The following MYCBP2 variants were observed in gnomAD, a reference collection of about 807,000 sequenced individuals.
MYCBP2 encodes the protein E3 ubiquitin-protein ligase MYCBP2.
MYCBP2 carries 120 observed loss-of-function variants against 525.3 expected under a neutral mutation model. The observed-to-expected ratio is 0.23, with a 90% CI of 0.20 to 0.27. The LOEUF (loss-of-function observed/expected upper bound fraction) is 0.27, where lower values mean the gene tolerates loss of function less well. Among genes scored for constraint, MYCBP2 ranks in the 10% least tolerant of loss-of-function variants. The probability of loss-of-function intolerance (pLI) is 1.00; values close to 1 mark genes in which losing one functional copy is unlikely to be tolerated. For synonymous variants in MYCBP2, 1,894 were observed against 1,955.8 expected (o/e 0.97, Z 0.83); for missense variants, 4,149 against 5,657.1 (o/e 0.73, Z 8.55).
At chr13:77,190,545 T>C (rs1167185180) in intron 28 of MYCBP2, among the ~76,000 whole-genome samples, 1 of 152,220 alleles carries the variant, frequency 6.6e-6, no homozygotes, top group Non-Finnish European at 1.5e-5. Context: ...GACTCCTAAA[T>C]GAGTAGCTGT....
chr13:77,222,826 C>T (rs1282317637), intron 20 of MYCBP2, among the ~76,000 whole-genome samples: 2 of 152,178 alleles, frequency 1.3e-5, no homozygotes, highest in Non-Finnish European at 2.9e-5. Context: ...GTTCAAGACA[C>T]AGTGACAACC....
At chr13:77,051,725 A>T (rs2036862295) in intron 81 of MYCBP2, 86 bp downstream of exon 81, 1 of 979,764 alleles carries the variant, frequency 1.0e-6, no homozygotes, top group Non-Finnish European at 1.5e-6. Flanking sequence ...GAAAAGCCTG[A>T]TTTACATTCC....
intron 77 of MYCBP2, among the ~76,000 whole-genome samples, chr13:77,059,058 A>G (rs851508): frequency 0.099 from 14,914 of 150,716 alleles, 982 homozygotes; most frequent in African/African-American, 0.18. Flanking sequence ...ACCAAAATGC[A>G]GATTTTTTTT....
intron 20 of MYCBP2, 92 bp downstream of exon 20, chr13:77,224,359 T>G (rs1056690206): frequency 1.3e-6 from 1 of 788,444 alleles, no homozygotes. Context: ...TCTAGAAATA[T>G]ATACTTAAAA....
At chr13:77,212,390 T>A (rs549485730) in intron 21 of MYCBP2, among the ~76,000 whole-genome samples, 10 of 152,146 alleles carry the variant, frequency 6.6e-5, no homozygotes, top group East Asian at 5.8e-4. Flanking sequence ...CATTATTTTT[T>A]AAAAAAAAGT....
chr13:77,188,916 A>G (rs1324857895), intron 30 of MYCBP2, 35 bp downstream of exon 30: 1 of 1,480,616 alleles, frequency 6.8e-7, no homozygotes, highest in Non-Finnish European at 9.2e-7. Context: ...TGAGGACTGA[A>G]GAGAAAAGCT....
chr13:77,150,748 T>C lies in MYCBP2; in HGVS notation c.7117A>G (p.Ile2373Val), dbSNP rs1485257122. The C allele has an allele frequency of 4.3e-6, 7 of 1,613,336 alleles. No individual in the cohort carries two copies. The highest frequency in any genetic ancestry group is 5.9e-6 in the Non-Finnish European group (7 of 1,179,750). ...MIVKEARYIA[I>V]TMMKVYENYS... The stretch of plus-strand genomic sequence containing the variant: ...AAATAAATTACCTTCATCATTGTTA[T>C]GGCAATATATCGAGCTTCCTTCACT... The change falls in exon 47 of 83, where the codon ATA (isoleucine) becomes GTA (valine). Residue 2373 changes from isoleucine (I) to valine (V), a missense_variant. This residue lies in a region of MYCBP2 where 692 missense variants were observed against 852.7 expected (regional missense o/e 0.81). Coordinates refer to ENST00000544440, the MANE Select transcript of MYCBP2 (RefSeq NM_015057.5).
chr13:77,183,930 C>A (rs552381178), intron 32 of MYCBP2, among the ~76,000 whole-genome samples: 13 of 152,016 alleles, frequency 8.6e-5, no homozygotes, highest in African/African-American at 3.1e-4. Context: ...AGGAGTTTAC[C>A]AACTTTTTTT....
chr13:77,139,988 C>T (rs2054358684), intron 51 of MYCBP2, 59 bp downstream of exon 51: 1 of 1,161,218 alleles, frequency 8.6e-7, no homozygotes, highest in East Asian at 2.4e-5. Context: ...TATTATTATG[C>T]AAACAATGCA....
intron 6 of MYCBP2, 80 bp downstream of exon 6, chr13:77,270,216 A>G (rs1330515378): frequency 6.7e-7 from 1 of 1,485,844 alleles, no homozygotes; most frequent in Admixed American, 2.2e-5. Context: ...TATTCTAGAA[A>G]TGAAACTAGA....
chr13:77,170,079 C>T (rs1235876622), intron 38 of MYCBP2, among the ~76,000 whole-genome samples: 1 of 152,144 alleles, frequency 6.6e-6, no homozygotes, highest in Non-Finnish European at 1.5e-5. Context: ...ATTCTGGCAC[C>T]AAACATGGCT....
intron 5 of MYCBP2, among the ~76,000 whole-genome samples, chr13:77,271,037 ATTTG>A: frequency 6.6e-6 from 1 of 151,656 alleles, no homozygotes; most frequent in Middle Eastern, 3.4e-3. Flanking sequence ...TAGGAGTTCG[ATTTG>A]TTTTTTTTCC....
chr13:77,181,707 G>A lies in MYCBP2; in HGVS notation c.4935C>T (p.Leu1645=). The A allele has an allele frequency of 6.2e-7, 1 of 1,613,512 alleles. No homozygotes were observed. The highest frequency in any genetic ancestry group is 8.5e-7 in the Non-Finnish European group (1 of 1,179,818). Residue 1645 remains leucine, a synonymous_variant, in exon 33 of 83, where the codon CTC becomes CTT. Coordinates refer to ENST00000544440, the MANE Select transcript of MYCBP2 (RefSeq NM_015057.5). The part of the protein sequence containing the change: ...FPLLVAHMEK[L]SQSEENISGM... ...ATTTCAGAGACAGACCTACCTGGCT[G>A]AGTTTTTCCATATGTGCCACCAAAA... is the stretch of plus-strand genomic sequence containing the variant.
At chr13:77,216,016 G>A (rs889759674) in intron 21 of MYCBP2, among the ~76,000 whole-genome samples, 1 of 152,154 alleles carries the variant, frequency 6.6e-6, no homozygotes, top group Admixed American at 6.5e-5. Context: ...AAAGAATCAG[G>A]GTTCTTGGAG....
intron 3 of MYCBP2, among the ~76,000 whole-genome samples, chr13:77,280,717 A>G (rs560175985): frequency 6.6e-6 from 1 of 152,340 alleles, no homozygotes; most frequent in African/African-American, 2.4e-5. Context: ...TAACAAGTGA[A>G]TGGCAATAGG....
At chr13:77,065,763 C>A (rs1254091706) in intron 72 of MYCBP2, among the ~76,000 whole-genome samples, 2 of 152,082 alleles carry the variant, frequency 1.3e-5, no homozygotes, top group Non-Finnish European at 2.9e-5. Flanking sequence ...TTTAAAGTCA[C>A]GTAACAATTC....
intron 1 of MYCBP2, among the ~76,000 whole-genome samples, chr13:77,303,257 C>T (rs910543054): frequency 1.3e-5 from 2 of 152,164 alleles, no homozygotes; most frequent in African/African-American, 4.8e-5. Flanking sequence ...CGCTTGAACC[C>T]GAGAGGTGGC....
chr13:77,054,820 CA>C (rs971752989), intron 80 of MYCBP2, among the ~76,000 whole-genome samples: 1 of 152,038 alleles, frequency 6.6e-6, no homozygotes, highest in Admixed American at 6.5e-5. Context: ...TGGGTGGTCT[CA>C]AACTCCAGAG....
intron 8 of MYCBP2, among the ~76,000 whole-genome samples, chr13:77,264,533 C>T (rs564443352): frequency 6.6e-6 from 1 of 152,220 alleles, no homozygotes; most frequent in East Asian, 1.9e-4. Flanking sequence ...GCATTTTTAG[C>T]ATTTAGTGTG....
Sources: gnomAD v4.1 joint callset for allele counts (sites outside exome capture counted in the v4.1 genomes callset) on GRCh38, gnomAD v4.1.1 for gene constraint, gnomAD v4.1.1 regional missense constraint, MANE v1.5 for transcripts, NCBI Gene and HGNC (gene_info 2026-07-23, HGNC 2026-07-21) for gene names.